The following ANKRD12 variants were observed in gnomAD, a reference collection of about 807,000 sequenced individuals.
ANKRD12 encodes the protein ankyrin repeat domain-containing protein 12.
A neutral mutation model predicts 183.4 loss-of-function variants in ANKRD12; 85 were observed. The ratio of observed to expected loss-of-function variants is 0.46; its 90% CI spans 0.39 to 0.56. The LOEUF (loss-of-function observed/expected upper bound fraction) is 0.56. Ranked by LOEUF, ANKRD12 falls within the 20% of genes least tolerant of loss-of-function variation. ANKRD12 has a pLI of 0.00. For missense variants in ANKRD12, 2,405 were observed against 2,357.1 expected (o/e 1.02, Z -0.42); for synonymous variants, 914 against 800.2 (o/e 1.14, Z -2.40).
chr18:9,200,555 A>G (rs1010274722), intron 3 of ANKRD12: 66 of 152,324 alleles, frequency 4.3e-4, no homozygotes, highest in Middle Eastern at 3.4e-3. Context: ...GAGGTAAATC[A>G]TGGCAGTGTT....
chr18:9,280,516 T>C (rs1232856151), intron 12 of ANKRD12, among the ~76,000 whole-genome samples: 2 of 152,138 alleles, frequency 1.3e-5, no homozygotes, highest in Non-Finnish European at 2.9e-5. Flanking sequence ...AGGCCGGGTG[T>C]GGCAGTTCAC....
At chr18:9,276,357 C>T (rs2039833792) in intron 11 of ANKRD12, among the ~76,000 whole-genome samples, 1 of 152,132 alleles carries the variant, frequency 6.6e-6, no homozygotes, top group Non-Finnish European at 1.5e-5. Context: ...TTTTTAGACT[C>T]TTCTGAGCTT....
At chr18:9,214,742 A>G (rs901439783) in intron 6 of ANKRD12, among the ~76,000 whole-genome samples, 1 of 152,144 alleles carries the variant, frequency 6.6e-6, no homozygotes, top group Non-Finnish European at 1.5e-5. Context: ...TTGAAGATGA[A>G]CGAATCCAGC....
intron 8 of ANKRD12, among the ~76,000 whole-genome samples, chr18:9,251,215 G>A (rs954977761): frequency 1.3e-5 from 2 of 152,112 alleles, no homozygotes; most frequent in African/African-American, 4.8e-5. Flanking sequence ...AAGAGATTTT[G>A]AGGGAGGGAT....
intron 10 of ANKRD12, among the ~76,000 whole-genome samples, chr18:9,264,096 T>C (rs1462232358): frequency 6.6e-6 from 1 of 152,234 alleles, no homozygotes; most frequent in Non-Finnish European, 1.5e-5. Context: ...GTTGAGTATA[T>C]TTTTAATATG....
At chr18:9,240,410 C>T (rs773312801) in intron 8 of ANKRD12, among the ~76,000 whole-genome samples, 2 of 152,106 alleles carry the variant, frequency 1.3e-5, no homozygotes, top group Non-Finnish European at 2.9e-5. Flanking sequence ...CTTCTTGCTA[C>T]GGTGCGAGAA....
intron 1 of ANKRD12, among the ~76,000 whole-genome samples, chr18:9,141,839 ACTAT>A (rs2078326712): frequency 6.6e-6 from 1 of 152,214 alleles, no homozygotes; most frequent in Non-Finnish European, 1.5e-5. Flanking sequence ...ATGTCTGTTA[ACTAT>A]CTTATTTTGA....
At chr18:9,208,340 ATGTC>A (rs1198714716) in intron 4 of ANKRD12, among the ~76,000 whole-genome samples, 4 of 152,192 alleles carry the variant, frequency 2.6e-5, no homozygotes, top group African/African-American at 7.2e-5. Context: ...ATACTAAAGA[ATGTC>A]TGCACTGTTA....
chr18:9,171,817 C>T (rs568875496), intron 1 of ANKRD12, among the ~76,000 whole-genome samples: 2 of 152,008 alleles, frequency 1.3e-5, no homozygotes, highest in African/African-American at 2.4e-5. Context: ...GTCAGGAGTT[C>T]GAGACCAGCC....
chr18:9,267,309 A>C (rs954263033), intron 10 of ANKRD12, among the ~76,000 whole-genome samples: 1 of 152,226 alleles, frequency 6.6e-6, no homozygotes, highest in South Asian at 2.1e-4. Flanking sequence ...CCAAATCAAC[A>C]GAATATACAT....
chr18:9,224,638 A>G lies in ANKRD12; in HGVS notation c.943+2639A>G, dbSNP rs187425877. Among the ~76,000 whole-genome samples, 1,121 of 152,266 alleles carry G rather than the reference A, an allele frequency of 7.4e-3. 20 individuals are homozygous for G. Among genetic ancestry groups the G allele is most frequent in the African/African-American group, 0.026 (1,069 of 41,546 alleles). ...TGTTGAGAGTGCTTTCTGGAAAACA[A>G]TTTGTTAATAAGTGTGAAAAATTAA... On this transcript the variant is annotated intron_variant, in intron 8 of 12. Coordinates refer to ENST00000262126, the MANE Select transcript of ANKRD12 (RefSeq NM_015208.5).
At chr18:9,224,364 A>G (rs2036593341) in intron 8 of ANKRD12, among the ~76,000 whole-genome samples, 1 of 152,190 alleles carries the variant, frequency 6.6e-6, no homozygotes, top group Admixed American at 6.5e-5. Flanking sequence ...AGGTTGCCAT[A>G]CTGTTAAAAT....
intron 2 of ANKRD12, among the ~76,000 whole-genome samples, chr18:9,192,366 G>A (rs1376619149): frequency 6.6e-6 from 1 of 152,136 alleles, no homozygotes; most frequent in Admixed American, 6.5e-5. Context: ...TTCTATCAGT[G>A]AACTGTCCTT....
intron 4 of ANKRD12, among the ~76,000 whole-genome samples, chr18:9,207,155 G>C (rs1393667143): frequency 6.6e-6 from 1 of 151,950 alleles, no homozygotes; most frequent in Non-Finnish European, 1.5e-5. Flanking sequence ...AAAATTAGGA[G>C]AAAAAATCCA....
At chr18:9,169,028 T>C (rs2032398498) in intron 1 of ANKRD12, among the ~76,000 whole-genome samples, 1 of 152,044 alleles carries the variant, frequency 6.6e-6, no homozygotes, top group African/African-American at 2.4e-5. Flanking sequence ...AGCTGAGTGG[T>C]TTTGAGTGAG....
At chr18:9,265,933 G>C (rs11660927) in intron 10 of ANKRD12, among the ~76,000 whole-genome samples, 3,053 of 152,292 alleles carry the variant, frequency 0.02, 42 homozygotes, top group Non-Finnish European at 0.033. Context: ...TAAAGGACCT[G>C]ATGGAACTGA....
At chr18:9,174,750 T>C (rs2033092922) in intron 1 of ANKRD12, among the ~76,000 whole-genome samples, 2 of 152,176 alleles carry the variant, frequency 1.3e-5, no homozygotes, top group African/African-American at 4.8e-5. Flanking sequence ...CACTTGCTGT[T>C]GTCATTCTTC....
At chr18:9,169,779 C>T (rs1057272276) in intron 1 of ANKRD12, among the ~76,000 whole-genome samples, 125 of 152,078 alleles carry the variant, frequency 8.2e-4, no homozygotes, top group African/African-American at 2.8e-3. Context: ...TTATTTTGCT[C>T]GTTAGTTGAT....
At chr18:9,243,970 G>T (rs940560572) in intron 8 of ANKRD12, among the ~76,000 whole-genome samples, 1 of 152,080 alleles carries the variant, frequency 6.6e-6, no homozygotes, top group East Asian at 1.9e-4. Flanking sequence ...ACCGGTTTCC[G>T]TCTCTACTAA....
Sources: gnomAD v4.1 joint callset for allele counts (sites outside exome capture counted in the v4.1 genomes callset) on GRCh38, gnomAD v4.1.1 for gene constraint, MANE v1.5 for transcripts, NCBI Gene and HGNC (gene_info 2026-07-23, HGNC 2026-07-21) for gene names.